The following NQO1 variants were observed in gnomAD, a reference collection of about 807,000 sequenced individuals.
NQO1 encodes the protein NAD(P)H quinone dehydrogenase 1, also known as NAD(P)H dehydrogenase [quinone] 1.
Under a neutral mutation model 32.1 loss-of-function variants are expected in NQO1, and 30 were observed. That is an observed-to-expected ratio of 0.94 (90% CI 0.70 to 1.27). The LOEUF is 1.27. Ranked by LOEUF, NQO1 falls within the 50% of genes most tolerant of loss-of-function variation. The pLI, the probability that NQO1 is intolerant of heterozygous loss-of-function variation, is 0.00. For synonymous variants in NQO1, 109 were observed against 119.7 expected (o/e 0.91, Z 0.59); for missense variants, 276 against 331.3 (o/e 0.83, Z 1.30).
chr16:69,710,973 AT>A lies in NQO1; in HGVS notation c.*2del, dbSNP rs766781401. The A allele has an allele frequency of 9.3e-6, 15 of 1,604,834 alleles. No homozygotes were observed. The highest frequency in any genetic ancestry group is 1.3e-5 in the Non-Finnish European group (15 of 1,174,058). On this transcript the variant is annotated 3_prime_UTR_variant, in exon 6 of 6. Coordinates refer to ENST00000320623, the MANE Select transcript of NQO1 (RefSeq NM_000903.3). ...GTTAGAAGGAAATCCAGGCTAAGGA[AT>A]CTCATTTTCTAGCTTTGATCTGGTT...
In NQO1 at chr16:69,709,684, C is replaced by T. The variant is rs1357425455; in HGVS notation, c.*1292G>A. 1.5e-5 allele frequency: 6 copies of T among 397,480 alleles called. No individual in the cohort carries two copies. The highest frequency in any genetic ancestry group is 2.7e-5 in the Non-Finnish European group (6 of 225,592). 24.6% of individuals were successfully genotyped at this position (397,480 alleles called of 1,614,324 possible). Reference sequence around the variant, plus strand: ...TTTCTCATCTCTTCTTTCAATGCACCACAAGAGGGCAGTGTTTTATCATAT... The same window carrying T: ...TTTCTCATCTCTTCTTTCAATGCACTACAAGAGGGCAGTGTTTTATCATAT... On this transcript the variant is annotated 3_prime_UTR_variant, in exon 6 of 6. Transcript: ENST00000320623.
intron 3 of NQO1, among the ~76,000 whole-genome samples, 160 bp from the exon 4 acceptor site, chr16:69,715,237 T>C (rs1009484299): frequency 2.6e-5 from 4 of 152,180 alleles, no homozygotes; most frequent in African/African-American, 9.7e-5. Context: ...AGGAAAGAGA[T>C]CATTATTGTC....
chr16:69,725,074 C>T (rs916536173), intron 1 of NQO1, among the ~76,000 whole-genome samples: 1 of 152,202 alleles, frequency 6.6e-6, no homozygotes. Context: ...AGGGAAACAG[C>T]AACCACCGTG....
At chr16:69,726,284 G>A (rs1365946276) in intron 1 of NQO1, 149 bp downstream of exon 1, 1 of 1,104,826 alleles carries the variant, frequency 9.1e-7, no homozygotes, top group Non-Finnish European at 1.3e-6. Flanking sequence ...CCCGGAGTCC[G>A]ATCAAGGCTC....
intron 1 of NQO1, among the ~76,000 whole-genome samples, chr16:69,722,351 G>GT (rs2038203818): frequency 6.6e-6 from 1 of 151,940 alleles, no homozygotes; most frequent in Non-Finnish European, 1.5e-5. Flanking sequence ...TTTTGTTTTA[G>GT]TAGAGACACC....
intron 5 of NQO1, 86 bp from the exon 6 acceptor site, chr16:69,711,367 A>G (rs1597594857): frequency 8.7e-7 from 1 of 1,143,214 alleles, no homozygotes; most frequent in Non-Finnish European, 1.3e-6. Flanking sequence ...TGGGCTTCTC[A>G]GTAAGACACT....
rs1160101577 is a variant in NQO1, at chr16:69,726,446, G to A, written c.-7C>T. On this transcript the variant is annotated 5_prime_UTR_variant, in exon 1 of 6. Transcript: ENST00000320623. ...TGCAGCACTCACCGACCATGGCTCTGGTGCAGTCCGGGGCGCTGATTGGCT... is the reference window on the plus strand; with the variant it reads ...TGCAGCACTCACCGACCATGGCTCTAGTGCAGTCCGGGGCGCTGATTGGCT... 1.2e-6 allele frequency: 2 copies of A among 1,610,672 alleles called. No homozygotes were observed. Among genetic ancestry groups the A allele is most frequent in the South Asian group, 1.1e-5 (1 of 91,026 alleles).
intron 4 of NQO1, 97 bp downstream of exon 4, chr16:69,714,867 G>A: frequency 2.4e-6 from 2 of 836,858 alleles, no homozygotes; most frequent in African/African-American, 1.7e-5. Flanking sequence ...CAACAAGAGG[G>A]AAGCTCCATC....
intron 5 of NQO1, 50 bp downstream of exon 5, chr16:69,712,978 G>A (rs1234239313): frequency 1.4e-6 from 2 of 1,425,698 alleles, no homozygotes; most frequent in African/African-American, 2.8e-5. Flanking sequence ...AGATGACAGA[G>A]TGAGACTCCG....
At position 69,710,903 on chromosome 16, in the gene NQO1, A is replaced by C; in HGVS notation, c.*73T>G. The C allele has an allele frequency of 1.4e-6, 2 of 1,467,556 alleles. No homozygotes were observed. The highest frequency in any genetic ancestry group is 1.8e-6 in the Non-Finnish European group (2 of 1,085,988). 90.9% of individuals were successfully genotyped at this position (1,467,556 alleles called of 1,614,324 possible). A position where few individuals can be genotyped will look rare whatever the true frequency, so the allele number is the denominator to read the frequency against. Reference sequence around the variant, plus strand: ...AGAAAAACACAAATCTTAAAAACTAAAGCAAGTCAGGGAAGCCTGGAAAGA... The same window carrying C: ...AGAAAAACACAAATCTTAAAAACTACAGCAAGTCAGGGAAGCCTGGAAAGA... On this transcript the variant is annotated 3_prime_UTR_variant, in exon 6 of 6. Transcript: ENST00000320623.
In NQO1 at chr16:69,713,395, A is replaced by C. The variant is rs149866718; in HGVS notation, c.418-266T>G. Among the ~76,000 whole-genome samples, 330 of 152,252 alleles carry C rather than the reference A, an allele frequency of 2.2e-3. 1 individual carries two copies. The highest frequency in any genetic ancestry group is 2.4e-3 in the Non-Finnish European group (166 of 68,016). ...GGACGAGGCTGTCACCATATCCAAA[A>C]TCAGTGCTGGCTGCTGGCTGCCTAG... On this transcript the variant is annotated intron_variant, in intron 4 of 5. Coordinates refer to ENST00000320623, the MANE Select transcript of NQO1 (RefSeq NM_000903.3).
At chr16:69,714,451 G>A (rs946346384) in intron 4 of NQO1, among the ~76,000 whole-genome samples, 12 of 151,706 alleles carry the variant, frequency 7.9e-5, no homozygotes, top group Admixed American at 2.0e-4. Context: ...AATTACAGGC[G>A]TGAGCCACTG....
At chr16:69,724,179 G>C (rs1218000635) in intron 1 of NQO1, among the ~76,000 whole-genome samples, 1 of 152,080 alleles carries the variant, frequency 6.6e-6, no homozygotes, top group Non-Finnish European at 1.5e-5. Flanking sequence ...TGGGCGTGGT[G>C]GTGGGCGCCT....
At chr16:69,711,756 C>T (rs952268825) in intron 5 of NQO1, among the ~76,000 whole-genome samples, 13 of 151,372 alleles carry the variant, frequency 8.6e-5, no homozygotes, top group Admixed American at 4.0e-4. Context: ...TGGGTTCAAG[C>T]GGTTCTCCTG....
chr16:69,720,465 A>T (rs1239478233), intron 1 of NQO1, among the ~76,000 whole-genome samples: 3 of 152,090 alleles, frequency 2.0e-5, no homozygotes, highest in African/African-American at 7.2e-5. Flanking sequence ...GAAAAAAAGA[A>T]ATGACATATA....
Position 69,726,475 on chromosome 16 carries a change from C to A in NQO1, c.-36G>T. 1 of 1,604,980 alleles carries A rather than the reference C, an allele frequency of 6.2e-7. No individual in the cohort carries two copies. The highest frequency in any genetic ancestry group is 2.2e-5 in the East Asian group (1 of 44,704). On this transcript the variant is annotated 5_prime_UTR_variant, in exon 1 of 6. Transcript: ENST00000320623. ...CAGTCCGGGGCGCTGATTGGCTGGG[C>A]TCGTGGTTGCCGGGGCGACCCTGGC...
At chr16:69,717,699 A>G (rs1597600260) in intron 3 of NQO1, among the ~76,000 whole-genome samples, 1 of 147,710 alleles carries the variant, frequency 6.8e-6, no homozygotes, top group South Asian at 2.1e-4. Flanking sequence ...TTCAACCTCC[A>G]CCTCCCGGGT....
At chr16:69,722,006 G>A (rs2038198016) in intron 1 of NQO1, among the ~76,000 whole-genome samples, 1 of 151,956 alleles carries the variant, frequency 6.6e-6, no homozygotes, top group South Asian at 2.1e-4. Context: ...CAAACAGTGA[G>A]AAATACAAAC....
Position 69,709,799 on chromosome 16 carries a change from G to A in NQO1, c.*1177C>T. 2.5e-6 allele frequency: 1 copy of A among 398,570 alleles called. No individual in the cohort carries two copies. Among genetic ancestry groups the A allele is most frequent in the East Asian group, 3.6e-5 (1 of 28,072 alleles). The allele number at this position is 398,570 out of a possible 1,614,324, so 24.7% of individuals were successfully genotyped here. A position where few individuals can be genotyped will look rare whatever the true frequency, so the allele number is the denominator to read the frequency against. ...TATGCCAAAACTGTTCACCAAAGTT[G>A]ATAAAACTCTAGGTTTACAATTGTA... is the stretch of plus-strand genomic sequence containing the variant. On this transcript the variant is annotated 3_prime_UTR_variant, in exon 6 of 6. Transcript: ENST00000320623.
Sources: allele counts gnomAD v4.1 joint callset (sites outside exome capture counted in the v4.1 genomes callset), GRCh38; gene constraint gnomAD v4.1.1; transcripts MANE v1.5; gene names NCBI Gene and HGNC (gene_info 2026-07-23, HGNC 2026-07-21).